Variants in SCRG1 observed in about 807,000 individuals in gnomAD.
SCRG1 encodes scrapie-responsive protein 1.
Under a neutral mutation model 7.7 loss-of-function variants are expected in SCRG1, and 3 were observed. The ratio of observed to expected loss-of-function variants is 0.39; its 90% CI spans 0.18 to 1.01. The LOEUF is 1.01. Among genes scored for constraint, SCRG1 ranks in the 50% least tolerant of loss-of-function variants. The pLI is 0.36. For synonymous variants in SCRG1, 46 were observed against 41.2 expected, an observed-to-expected ratio of 1.12 and a Z score of -0.44; for missense variants, 110 against 117.2, an observed-to-expected ratio of 0.94 and a Z score of 0.28.
the SCRG1 span, among the ~76,000 whole-genome samples, chr4:173,473,579 G>T: frequency 0.33 from 49,975 of 151,992 alleles, 8,602 homozygotes; most frequent in South Asian, 0.47. Context: ...TGTTTAAGAT[G>T]CAGAGAGAAA....
At chr4:173,438,035 G>C in the SCRG1 span, among the ~76,000 whole-genome samples, 1 of 152,178 alleles carries the variant, frequency 6.6e-6, no homozygotes, top group Non-Finnish European at 1.5e-5. Flanking sequence ...GATCAAAATT[G>C]TGGTTGTGTA....
At chr4:173,426,095 A>G in the SCRG1 span, among the ~76,000 whole-genome samples, 1 of 152,228 alleles carries the variant, frequency 6.6e-6, no homozygotes, top group African/African-American at 2.4e-5. Flanking sequence ...GAAACAGTGG[A>G]AAAAATGTAT....
At chr4:173,419,552 C>T in the SCRG1 span, 7 of 728,952 alleles carry the variant, frequency 9.6e-6, no homozygotes, top group African/African-American at 3.5e-5. Context: ...GATGTGCTTC[C>T]GGTGTACTTC....
At chr4:173,446,145 T>C in the SCRG1 span, among the ~76,000 whole-genome samples, 3 of 152,208 alleles carry the variant, frequency 2.0e-5, no homozygotes, top group African/African-American at 7.2e-5. Flanking sequence ...TTCCCTTTTG[T>C]GCCCCTGAGG....
chr4:173,502,070 C>A, the SCRG1 span, among the ~76,000 whole-genome samples: 1 of 152,160 alleles, frequency 6.6e-6, no homozygotes, highest in Admixed American at 6.5e-5. The surrounding 1 kb of genome is among the most constrained non-coding windows in gnomAD (Gnocchi z 4.6). Flanking sequence ...TCTCGTGCTG[C>A]ACTTTTTTGT....
chr4:173,402,915 C>T (rs538452092), upstream of SCRG1, among the ~76,000 whole-genome samples: 7 of 152,242 alleles, frequency 4.6e-5, no homozygotes, highest in South Asian at 2.1e-4. Flanking sequence ...TGATGAACTG[C>T]GACAAAATCA....
upstream of SCRG1, among the ~76,000 whole-genome samples, chr4:173,408,281 TAAC>T (rs1255305391): frequency 6.6e-6 from 1 of 152,238 alleles, no homozygotes; most frequent in Non-Finnish European, 1.5e-5. Context: ...CACCTTTCTA[TAAC>T]ACTGTCTTCT....
At chr4:173,406,523 G>A (rs966091736), upstream of SCRG1, 1 of 152,138 alleles carries the variant, frequency 6.6e-6, no homozygotes, top group Middle Eastern at 3.2e-3. Flanking sequence ...TGCTGAAAAG[G>A]TCTGTGGGTT....
the SCRG1 span, among the ~76,000 whole-genome samples, chr4:173,479,682 C>T: frequency 6.6e-6 from 1 of 151,990 alleles, no homozygotes; most frequent in Non-Finnish European, 1.5e-5. Context: ...CTCAGTGATC[C>T]ACTCGCCTCC....
rs1198590601 is a variant in SCRG1, at chr4:173,388,336, G to A, written c.*5C>T. 1.2e-6 allele frequency: 2 copies of A among 1,608,402 alleles called. No homozygotes were observed. Among genetic ancestry groups the A allele is most frequent in the Admixed American group, 1.7e-5 (1 of 59,762 alleles). On this transcript the variant is annotated 3_prime_UTR_variant, in exon 3 of 3. Coordinates refer to ENST00000296506, the MANE Select transcript of SCRG1 (RefSeq NM_007281.4). Reference sequence around the variant, plus strand: ...AATGGTGTTCTCCAGAATACATGAAGATTCTCATTGATTGTTGCAAGGAAT... The same window carrying A: ...AATGGTGTTCTCCAGAATACATGAAAATTCTCATTGATTGTTGCAAGGAAT...
At chr4:173,504,820 T>G in the SCRG1 span, among the ~76,000 whole-genome samples, 3 of 152,166 alleles carry the variant, frequency 2.0e-5, no homozygotes, top group Non-Finnish European at 4.4e-5. The surrounding 1 kb of genome is among the most constrained non-coding windows in gnomAD (Gnocchi z 4.7). Context: ...CCCAGGGGGA[T>G]CATCCTCTTC....
the SCRG1 span, among the ~76,000 whole-genome samples, chr4:173,435,748 A>G: frequency 1.1e-4 from 16 of 152,306 alleles, no homozygotes; most frequent in African/African-American, 3.6e-4. Flanking sequence ...GGTTTTTTAA[A>G]CACTCTTGTG....
the SCRG1 span, among the ~76,000 whole-genome samples, chr4:173,416,184 T>C: frequency 1.3e-5 from 2 of 152,194 alleles, no homozygotes; most frequent in Non-Finnish European, 2.9e-5. Context: ...GAGTGTCATC[T>C]CTTACGATGA....
the SCRG1 span, among the ~76,000 whole-genome samples, chr4:173,485,359 CT>C: frequency 6.7e-6 from 1 of 149,450 alleles, no homozygotes; most frequent in Non-Finnish European, 1.5e-5. Context: ...ACCTAGCTGT[CT>C]TGCTGGAAAC....
chr4:173,483,776 G>C, the SCRG1 span, among the ~76,000 whole-genome samples: 6 of 26,206 alleles, frequency 2.3e-4, 3 homozygotes, highest in East Asian at 5.2e-3. Flanking sequence ...TATGATATAT[G>C]ATATATCATA....
the SCRG1 span, chr4:173,469,589 T>C: frequency 1.3e-5 from 2 of 152,166 alleles, no homozygotes; most frequent in East Asian, 3.8e-4. Flanking sequence ...ATTTTGGGAA[T>C]TAGATATTTT....
upstream of SCRG1, among the ~76,000 whole-genome samples, chr4:173,400,061 T>A (rs2126921341): frequency 6.6e-6 from 1 of 152,280 alleles, no homozygotes; most frequent in Non-Finnish European, 1.5e-5. Context: ...AAAAATTGTT[T>A]TTATCGTGAA....
At chr4:173,445,891 C>G in the SCRG1 span, among the ~76,000 whole-genome samples, 3 of 151,906 alleles carry the variant, frequency 2.0e-5, no homozygotes, top group South Asian at 6.2e-4. Context: ...GTCTCGAACT[C>G]CTGACCTTGT....
At chr4:173,419,282 C>T in the SCRG1 span, 2 of 596,572 alleles carry the variant, frequency 3.4e-6, no homozygotes, top group Non-Finnish European at 5.8e-6. Flanking sequence ...TCTGAGGGAG[C>T]TTGCCTTCTC....
Sources: gnomAD v4.1 joint callset for allele counts (sites outside exome capture counted in the v4.1 genomes callset) on GRCh38, gnomAD v4.1.1 for gene constraint, Gnocchi (gnomAD v3.1) non-coding constraint, MANE v1.5 for transcripts, NCBI Gene and HGNC (gene_info 2026-07-23, HGNC 2026-07-21) for gene names.